PKD1L1: variants seen among roughly 807,000 people sequenced by gnomAD.
PKD1L1 encodes polycystin 1 like 1, transient receptor potential channel interacting.
In PKD1L1, 236 loss-of-function variants were observed where a neutral mutation model predicts 323.4. That is an observed-to-expected ratio of 0.73 (90% CI 0.66 to 0.81). PKD1L1 has a LOEUF of 0.81. PKD1L1 is among the 40% of genes least tolerant of loss of function. The probability of loss-of-function intolerance (pLI) is 0.00; values close to 1 mark genes in which losing one functional copy is unlikely to be tolerated. For synonymous variants in PKD1L1, 1,344 were observed against 1,335.0 expected, an observed-to-expected ratio of 1.01 and a Z score of -0.15; for missense variants, 3,320 against 3,508.0, an observed-to-expected ratio of 0.95 and a Z score of 1.35.
intron 1 of PKD1L1, among the ~76,000 whole-genome samples, chr7:47,944,346 G>A (rs1411953148): frequency 3.9e-5 from 6 of 152,170 alleles, no homozygotes; most frequent in African/African-American, 1.4e-4. Context: ...AGCTTCCTGA[G>A]GCCTCCCCAG....
intron 46 of PKD1L1, chr7:47,819,633 A>G (rs746588172): frequency 8.3e-7 from 1 of 1,206,716 alleles, no homozygotes; most frequent in Non-Finnish European, 1.1e-6. Flanking sequence ...CACTATTACA[A>G]TGCTCAGCAG....
In PKD1L1 at chr7:47,902,485, A is replaced by C. The variant is rs113793570; in HGVS notation, c.1958T>G (p.Leu653Arg). Residue 653 changes from leucine to arginine, a missense_variant, in exon 13 of 57, where the codon CTT (leucine) becomes CGT (arginine). Transcript: ENST00000289672. Reference sequence around the variant, plus strand: ...GGAGGCACTGACATTATTGAAGGCAAGGACCTCCACTGTAAATTCTCCTTC... The same window carrying C: ...GGAGGCACTGACATTATTGAAGGCACGGACCTCCACTGTAAATTCTCCTTC... The part of the protein sequence containing the change: ...SREGEFTVEV[L>R]AFNNVSASTL... The C allele has an allele frequency of 5.6e-5, 90 of 1,614,194 alleles. No individual in the cohort carries two copies. In the African/African-American group the frequency reaches 9.2e-4, roughly 16 times the overall value.
At chr7:47,835,344 A>G (rs1008213862) in intron 37 of PKD1L1, 101 bp from the exon 38 acceptor site, 2 of 668,664 alleles carry the variant, frequency 3.0e-6, no homozygotes, top group South Asian at 2.0e-5. Flanking sequence ...GAATACATAC[A>G]TTATATTTAA....
chr7:47,880,264 ACATATATATATATATATATATT>A, intron 21 of PKD1L1, among the ~76,000 whole-genome samples: 1 of 83,036 alleles, frequency 1.2e-5, no homozygotes, highest in Admixed American at 1.4e-4. Context: ...ATATATATAT[ACATATATATATATATATATATT>A]TTTTTTTTTT....
intron 8 of PKD1L1, among the ~76,000 whole-genome samples, chr7:47,910,826 T>TTTTTTGTGTGTG (rs762737755): frequency 1.6e-4 from 20 of 126,130 alleles, no homozygotes; most frequent in African/African-American, 6.3e-4. Context: ...CCAGCTGATT[T>TTTTTTGTGTGTG]TGTGTGTGTG....
chr7:47,889,837 C>T (rs1046185148), intron 16 of PKD1L1, among the ~76,000 whole-genome samples: 4 of 152,142 alleles, frequency 2.6e-5, no homozygotes, highest in South Asian at 4.1e-4. Flanking sequence ...CTTGCAGCCC[C>T]GATGGGAGAG....
chr7:47,876,249 A>G, intron 22 of PKD1L1, 32 bp from the exon 23 acceptor site: 4 of 1,609,118 alleles, frequency 2.5e-6, no homozygotes, highest in Non-Finnish European at 3.4e-6. Context: ...CAAAAATAGT[A>G]TAAATGAACA....
At position 47,916,487 on chromosome 7, in the gene PKD1L1, T is replaced by C. The variant is rs564588018; in HGVS notation, c.1061-888A>G. Among the ~76,000 whole-genome samples the C allele has an allele frequency of 1.2e-4, 18 of 152,258 alleles. 1 individual carries two copies. The highest frequency in any genetic ancestry group is 8.5e-4 in the Admixed American group (13 of 15,292). ...ACAGAGCAGTGTGTGGAGGCTCGCA[T>C]AGTCAATTTTTGCTCCAGAACAACT... is the stretch of plus-strand genomic sequence containing the variant. On this transcript the variant is annotated intron_variant, in intron 7 of 56. Coordinates refer to ENST00000289672, the MANE Select transcript of PKD1L1 (RefSeq NM_138295.5).
At chr7:47,896,619 A>G (rs1786942448) in intron 14 of PKD1L1, among the ~76,000 whole-genome samples, 1 of 152,078 alleles carries the variant, frequency 6.6e-6, no homozygotes, top group African/African-American at 2.4e-5. Context: ...ACAAGTGTGC[A>G]AAGACCTTAT....
At chr7:47,942,971 CCT>C (rs1788019049) in intron 2 of PKD1L1, among the ~76,000 whole-genome samples, 1 of 151,774 alleles carries the variant, frequency 6.6e-6, no homozygotes, top group African/African-American at 2.4e-5. Context: ...ACGGTGAAAC[CCT>C]GTCTCTACCA....
At chr7:47,819,640 G>GAA in intron 46 of PKD1L1, 1 of 1,118,970 alleles carries the variant, frequency 8.9e-7, no homozygotes, top group African/African-American at 1.6e-5. Context: ...ACAATGCTCA[G>GAA]CAGAAAAAAA....
At chr7:47,892,505 T>A (rs896993762) in intron 15 of PKD1L1, among the ~76,000 whole-genome samples, 6 of 152,224 alleles carry the variant, frequency 3.9e-5, no homozygotes, top group East Asian at 1.9e-4. Context: ...AGGGTCAAAC[T>A]GTGAAGTAAA....
In PKD1L1 at chr7:47,931,235, C is replaced by T; in HGVS notation, c.606G>A (p.Glu202=). The T allele has an allele frequency of 6.2e-7, 1 of 1,614,260 alleles. No homozygotes were observed. Among genetic ancestry groups the T allele is most frequent in the South Asian group, 1.1e-5 (1 of 91,088 alleles). ...CCVLRLLCCA[E]DVATGLLPGT... The stretch of plus-strand genomic sequence containing the variant: ...CAGGAAGCAGCCCCGTGGCCACATC[C>T]TCCGCACAGCACAGCAGTCTCAGGA... Residue 202 remains glutamate (E), a synonymous_variant, in exon 6 of 57, where the codon GAG becomes GAA. Coordinates refer to ENST00000289672, the MANE Select transcript of PKD1L1 (RefSeq NM_138295.5).
chr7:47,817,023 G>A (rs889654684), intron 46 of PKD1L1, among the ~76,000 whole-genome samples: 8 of 152,128 alleles, frequency 5.3e-5, no homozygotes, highest in African/African-American at 1.9e-4. Flanking sequence ...ATCATCTGAG[G>A]TCAGGAGTTT....
chr7:47,819,662 A>G, intron 46 of PKD1L1: 1 of 1,024,646 alleles, frequency 9.8e-7, no homozygotes, highest in South Asian at 1.4e-5. Flanking sequence ...AAACAAAACA[A>G]CTTGGATTAC....
Position 47,898,043 on chromosome 7 carries a change from G to A in PKD1L1, c.2216C>T (p.Thr739Ile), listed in dbSNP as rs200811649. The A allele has an allele frequency of 2.8e-5, 45 of 1,613,618 alleles. No individual in the cohort carries two copies. In the African/African-American group the frequency reaches 3.3e-4, roughly 12 times the overall value. Residue 739 changes from threonine to isoleucine, a missense_variant, in exon 14 of 57, where the codon ACC becomes ATC. Physicochemically the swap from Thr to Ile is moderately conservative, Grantham distance 89 (BLOSUM62 -1). Transcript: ENST00000289672. The part of the protein sequence containing the change: ...LPAAVDTHRQ[T>I]LILPSHTLEY... ...CAAGGTGTGGCTCGGGAGGATGAGG[G>A]TCTGTCTGTGAGTGTCCACAGCAGC...
intron 12 of PKD1L1, 32 bp from the exon 13 acceptor site, chr7:47,902,543 A>ATT (rs1413835441): frequency 6.2e-7 from 1 of 1,606,082 alleles, no homozygotes; most frequent in Admixed American, 1.7e-5. Context: ...AAATGAACAA[A>ATT]TTTATGTTGA....
intron 45 of PKD1L1, among the ~76,000 whole-genome samples, chr7:47,823,446 C>T (rs896880016): frequency 2.0e-5 from 3 of 152,004 alleles, no homozygotes; most frequent in Admixed American, 6.5e-5. Flanking sequence ...TGCTTCTTTG[C>T]GATTTATTTG....
chr7:47,814,499 C>T (rs1023267836), intron 47 of PKD1L1, among the ~76,000 whole-genome samples: 1 of 152,192 alleles, frequency 6.6e-6, no homozygotes, highest in African/African-American at 2.4e-5. Context: ...CCTGCCTCAG[C>T]CTCCCAAGTA....
Sources: allele counts gnomAD v4.1 joint callset (sites outside exome capture counted in the v4.1 genomes callset), GRCh38; gene constraint gnomAD v4.1.1; transcripts MANE v1.5; gene names NCBI Gene and HGNC (gene_info 2026-07-23, HGNC 2026-07-21).